The following GPC6 variants were observed in gnomAD, a reference collection of about 807,000 sequenced individuals.
GPC6 encodes the protein glypican-6.
In GPC6, 14 loss-of-function variants were observed where a neutral mutation model predicts 55.2. The ratio of observed to expected loss-of-function variants is 0.25; its 90% CI spans 0.17 to 0.40. The LOEUF (loss-of-function observed/expected upper bound fraction) is 0.40, where lower values mean the gene tolerates loss of function less well. Ranked by LOEUF, GPC6 falls within the 10% of genes least tolerant of loss-of-function variation. The pLI, the probability that GPC6 is intolerant of heterozygous loss-of-function variation, is 1.00. For synonymous variants in GPC6, 278 were observed against 259.6 expected, an observed-to-expected ratio of 1.07 and a Z score of -0.68; for missense variants, 641 against 708.5, an observed-to-expected ratio of 0.90 and a Z score of 1.08.
At chr13:93,353,397 G>A (rs754007665) in intron 1 of GPC6, among the ~76,000 whole-genome samples, 2 of 152,198 alleles carry the variant, frequency 1.3e-5, no homozygotes, top group Non-Finnish European at 2.9e-5. Context: ...TGAGTGCCAA[G>A]TGATGTTTGT....
chr13:93,642,537 G>A (rs777929871), intron 2 of GPC6, among the ~76,000 whole-genome samples: 3 of 151,990 alleles, frequency 2.0e-5, no homozygotes, highest in Non-Finnish European at 2.9e-5. Context: ...TGGGTCAAAT[G>A]GTAGTTCAAC....
At chr13:94,241,160 A>T (rs1891042636) in intron 4 of GPC6, among the ~76,000 whole-genome samples, 1 of 152,180 alleles carries the variant, frequency 6.6e-6, no homozygotes, top group African/African-American at 2.4e-5. Context: ...GAGGATACAA[A>T]GAGAAGATAG....
At chr13:93,828,126 T>G (rs1887334354) in intron 2 of GPC6, among the ~76,000 whole-genome samples, 1 of 152,034 alleles carries the variant, frequency 6.6e-6, no homozygotes, top group African/African-American at 2.4e-5. Context: ...AATTCCTAAG[T>G]CCAACAAAAT....
chr13:93,610,582 G>A (rs1052695869), intron 2 of GPC6, among the ~76,000 whole-genome samples: 1 of 151,970 alleles, frequency 6.6e-6, no homozygotes, highest in Admixed American at 6.6e-5. Context: ...ACACATACAT[G>A]CATATACATA....
intron 3 of GPC6, among the ~76,000 whole-genome samples, chr13:93,856,586 G>A (rs536970830): frequency 2.6e-5 from 4 of 151,726 alleles, no homozygotes; most frequent in Admixed American, 6.6e-5. Context: ...GATGCAGTGG[G>A]TAGTTAGTTG....
chr13:93,461,699 A>T (rs1043535610), intron 1 of GPC6, among the ~76,000 whole-genome samples: 9 of 152,188 alleles, frequency 5.9e-5, no homozygotes, highest in African/African-American at 1.7e-4. Context: ...GATTTGCTCT[A>T]AGTCACACTT....
chr13:94,347,547 G>A (rs894815754), intron 6 of GPC6, among the ~76,000 whole-genome samples: 11 of 152,202 alleles, frequency 7.2e-5, no homozygotes, highest in African/African-American at 2.6e-4. Context: ...TCTTTGAGAT[G>A]AAAATGAATC....
rs564316131 is a variant in GPC6 at position 94,204,081 on chromosome 13, T to G, written c.878-82268T>G. Among the ~76,000 whole-genome samples the G allele has an allele frequency of 1.5e-3, 223 of 152,274 alleles. 1 individual carries two copies. The highest frequency in any genetic ancestry group is 2.3e-3 in the Non-Finnish European group (154 of 67,988). On this transcript the variant is annotated intron_variant, in intron 4 of 8. Transcript: ENST00000377047. ...TTCCCAAGGCACTGAAGAAAATCAT[T>G]GCTTTGGGTTTTTATTTCTCCTTTT...
intron 2 of GPC6, among the ~76,000 whole-genome samples, chr13:93,723,947 C>G (rs927478117): frequency 2.6e-5 from 4 of 151,920 alleles, no homozygotes; most frequent in Non-Finnish European, 4.4e-5. Flanking sequence ...CAGAGACAGA[C>G]CCAGGTGTTT....
chr13:94,127,097 T>G (rs993746277), intron 4 of GPC6, among the ~76,000 whole-genome samples: 1 of 152,212 alleles, frequency 6.6e-6, no homozygotes, highest in African/African-American at 2.4e-5. Flanking sequence ...ACAACTGAAC[T>G]GAACATTGAA....
At chr13:93,545,909 C>T (rs1447989349) in intron 2 of GPC6, among the ~76,000 whole-genome samples, 1 of 152,146 alleles carries the variant, frequency 6.6e-6, no homozygotes, top group Non-Finnish European at 1.5e-5. Flanking sequence ...TGCAGTTATG[C>T]ATTCTGTATA....
chr13:93,560,641 G>A (rs1373711545), intron 2 of GPC6, among the ~76,000 whole-genome samples: 1 of 151,968 alleles, frequency 6.6e-6, no homozygotes, highest in African/African-American at 2.4e-5. Flanking sequence ...GGATCATGAG[G>A]TCAGGAGATC....
rs939355544 is a variant in GPC6 at position 94,253,994 on chromosome 13, A to G, written c.878-32355A>G. 7.4e-4 allele frequency among the ~76,000 whole-genome samples: 113 copies of G among 152,076 alleles called. 12 individuals are homozygous for G. Among genetic ancestry groups the G allele is most frequent in the Non-Finnish European group, 1.5e-5 (1 of 67,982 alleles). On this transcript the variant is annotated intron_variant, in intron 4 of 8. Coordinates refer to ENST00000377047, the MANE Select transcript of GPC6 (RefSeq NM_005708.5). The stretch of plus-strand genomic sequence containing the variant: ...TGATTTAGTCTTTCATTGATCCTAT[A>G]TCATCTTTAGCACCATGAGCCATGA...
intron 2 of GPC6, among the ~76,000 whole-genome samples, chr13:93,608,077 T>C (rs1320295746): frequency 6.6e-6 from 1 of 152,228 alleles, no homozygotes; most frequent in African/African-American, 2.4e-5. Flanking sequence ...GTATATTTTA[T>C]TACAATTTTC....
intron 1 of GPC6, among the ~76,000 whole-genome samples, chr13:93,235,938 A>G (rs2139008419): frequency 6.6e-6 from 1 of 152,330 alleles, no homozygotes; most frequent in East Asian, 1.9e-4. Flanking sequence ...TTGTTCCACC[A>G]GATCACCTCC....
chr13:93,319,091 C>G (rs914683452), intron 1 of GPC6, among the ~76,000 whole-genome samples: 2 of 152,022 alleles, frequency 1.3e-5, no homozygotes, highest in South Asian at 2.1e-4. Flanking sequence ...TATAACTGTC[C>G]CCTCATGCAT....
At chr13:93,661,740 A>C (rs1018755087) in intron 2 of GPC6, among the ~76,000 whole-genome samples, 1 of 152,212 alleles carries the variant, frequency 6.6e-6, no homozygotes, top group Non-Finnish European at 1.5e-5. Flanking sequence ...TGTGAGTGGC[A>C]TAAGAATATT....
chr13:93,483,248 T>C (rs1047738753), intron 1 of GPC6, among the ~76,000 whole-genome samples: 4 of 152,150 alleles, frequency 2.6e-5, no homozygotes, highest in Admixed American at 1.3e-4. Context: ...TTATTAGAAA[T>C]TGGACAAAAA....
intron 3 of GPC6, among the ~76,000 whole-genome samples, chr13:94,009,662 T>C (rs936107243): frequency 6.6e-6 from 1 of 152,154 alleles, no homozygotes; most frequent in African/African-American, 2.4e-5. Flanking sequence ...TGTCCTGCTT[T>C]AGGCCATGGC....
Sources: allele counts gnomAD v4.1 joint callset (sites outside exome capture counted in the v4.1 genomes callset), GRCh38; gene constraint gnomAD v4.1.1; transcripts MANE v1.5; gene names NCBI Gene and HGNC (gene_info 2026-07-23, HGNC 2026-07-21).